The following STMN4 variants were observed in gnomAD, a reference collection of about 807,000 sequenced individuals.
The protein encoded by STMN4 is stathmin-4.
Under a neutral mutation model 29.1 loss-of-function variants are expected in STMN4, and 12 were observed. The observed-to-expected ratio is 0.41, with a 90% CI of 0.26 to 0.67. The LOEUF is 0.67. Among genes scored for constraint, STMN4 ranks in the 30% least tolerant of loss-of-function variants. STMN4 has a pLI of 0.30. For missense variants in STMN4, 181 were observed against 262.8 expected (o/e 0.69, Z 2.15); for synonymous variants, 114 against 105.3 (o/e 1.08, Z -0.51).
Position 27,244,884 on chromosome 8 carries a change from C to G in STMN4, c.-78-1083G>C, listed in dbSNP as rs545691536. On this transcript the variant is annotated intron_variant, in intron 1 of 6. Coordinates refer to ENST00000350889, the MANE Select transcript of STMN4 (RefSeq NM_030795.4). Reference sequence around the variant, plus strand: ...GAGCAGCCAGCAGTGAGTGGCCATCCTCAGGACCATTTGATCCTCGGTCAC... The same window carrying G: ...GAGCAGCCAGCAGTGAGTGGCCATCGTCAGGACCATTTGATCCTCGGTCAC... Among the ~76,000 whole-genome samples the G allele has an allele frequency of 4.2e-3, 644 of 152,284 alleles. 7 individuals are homozygous for G. Among genetic ancestry groups the G allele is most frequent in the African/African-American group, 0.015 (617 of 41,542 alleles).
intron 6 of STMN4, 187 bp downstream of exon 6, chr8:27,239,784 C>T (rs1488113173): frequency 6.5e-7 from 1 of 1,529,724 alleles, no homozygotes; most frequent in Non-Finnish European, 8.8e-7. Flanking sequence ...GAGTCTGGTT[C>T]CTATTTCTTG....
intron 1 of STMN4, 47 bp from the exon 2 acceptor site, chr8:27,243,848 G>T: frequency 3.9e-6 from 6 of 1,551,310 alleles, no homozygotes; most frequent in Non-Finnish European, 5.3e-6. Context: ...GATTAGACAG[G>T]TTATTCTCAT....
intron 1 of STMN4, among the ~76,000 whole-genome samples, chr8:27,248,001 G>A (rs890415282): frequency 6.6e-6 from 1 of 152,110 alleles, no homozygotes; most frequent in African/African-American, 2.4e-5. Flanking sequence ...AAGATCAAAG[G>A]AGCCCCAGAC....
At chr8:27,242,686 C>T (rs915162729) in intron 2 of STMN4, among the ~76,000 whole-genome samples, 194 bp from the exon 3 acceptor site, 4 of 152,156 alleles carry the variant, frequency 2.6e-5, no homozygotes, top group Non-Finnish European at 5.9e-5. Flanking sequence ...GGATTCGAAC[C>T]CACTCCTGTC....
intron 1 of STMN4, among the ~76,000 whole-genome samples, chr8:27,255,790 T>C (rs1056698883): frequency 3.9e-5 from 6 of 152,136 alleles, no homozygotes; most frequent in African/African-American, 9.7e-5. Flanking sequence ...CACTTGGAAT[T>C]TGGGTTTCTT....
chr8:27,244,714 A>C (rs1329874280), intron 1 of STMN4, among the ~76,000 whole-genome samples: 2 of 152,114 alleles, frequency 1.3e-5, no homozygotes, highest in Non-Finnish European at 2.9e-5. Context: ...GATCAGGTCA[A>C]GCTAGTTGAC....
chr8:27,235,439 G>T lies in STMN4; in HGVS notation c.*1407C>A, dbSNP rs963965035. On this transcript the variant is annotated 3_prime_UTR_variant, in exon 7 of 7. Transcript: ENST00000350889. ...ACAGGCAGCCCCTGCACTCATGTTTGCAGGGGAAGGGAGGAGGAGAGCTTC... is the reference window on the plus strand; with the variant it reads ...ACAGGCAGCCCCTGCACTCATGTTTTCAGGGGAAGGGAGGAGGAGAGCTTC... 1.3e-5 allele frequency: 2 copies of T among 152,448 alleles called. No individual in the cohort carries two copies. Among genetic ancestry groups the T allele is most frequent in the Non-Finnish European group, 2.9e-5 (2 of 68,224 alleles). 9.4% of individuals were successfully genotyped at this position (152,448 alleles called of 1,614,324 possible).
At chr8:27,248,094 G>T (rs951516892) in intron 1 of STMN4, among the ~76,000 whole-genome samples, 1 of 152,200 alleles carries the variant, frequency 6.6e-6, no homozygotes, top group Non-Finnish European at 1.5e-5. Context: ...GCTCCTGCCT[G>T]GTGGTCACTG....
At position 27,241,236 on chromosome 8, in the gene STMN4, C is replaced by A; in HGVS notation, c.217G>T (p.Val73Phe). 1 of 1,614,178 alleles carries A rather than the reference C, an allele frequency of 6.2e-7. No individual in the cohort carries two copies. The change falls in exon 5 of 7, where the codon GTC becomes TTC. Residue 73 changes from valine to phenylalanine, a missense_variant. Coordinates refer to ENST00000350889, the MANE Select transcript of STMN4 (RefSeq NM_030795.4). ...QADTVDLNWCVISDMEVIELN... is the reference protein window; with the variant it reads ...QADTVDLNWCFISDMEVIELN... ...TCGATGACTTCCATGTCGGAAATGA[C>A]GCACCAATTCAGGTCCACCGTGTCT...
In STMN4 at chr8:27,245,251, T is replaced by A. The variant is rs532736154; in HGVS notation, c.-78-1450A>T. Among the ~76,000 whole-genome samples the A allele has an allele frequency of 2.2e-3, 340 of 152,352 alleles. 3 individuals are homozygous for A. The highest frequency in any genetic ancestry group is 2.3e-3 in the Non-Finnish European group (158 of 68,024). ...TAAATGTTAGTCTCTTTGCCCTGTC[T>A]TTTGCATCAGGACAGCTATCAGGTG... is the stretch of plus-strand genomic sequence containing the variant. On this transcript the variant is annotated intron_variant, in intron 1 of 6. Coordinates refer to ENST00000350889, the MANE Select transcript of STMN4 (RefSeq NM_030795.4).
At chr8:27,242,246 C>G in intron 3 of STMN4, 151 bp downstream of exon 3, 1 of 795,110 alleles carries the variant, frequency 1.3e-6, no homozygotes, top group Non-Finnish European at 2.0e-6. Flanking sequence ...AGCTCAGACC[C>G]TCGGGCTCAC....
intron 6 of STMN4, 176 bp downstream of exon 6, chr8:27,239,795 C>T (rs1044214131): frequency 1.3e-6 from 2 of 1,534,314 alleles, no homozygotes; most frequent in Non-Finnish European, 1.8e-6. Context: ...CTATTTCTTG[C>T]CTCTGACTTC....
intron 1 of STMN4, among the ~76,000 whole-genome samples, chr8:27,245,620 G>A (rs1442850685): frequency 6.6e-6 from 1 of 152,216 alleles, no homozygotes; most frequent in Non-Finnish European, 1.5e-5. Context: ...ACCCCATCCC[G>A]CAGTCTCTGC....
chr8:27,249,667 A>G (rs756748497), intron 1 of STMN4, among the ~76,000 whole-genome samples: 10 of 152,174 alleles, frequency 6.6e-5, no homozygotes, highest in Non-Finnish European at 1.2e-4. Context: ...GAATGAGAAG[A>G]TGGATACACA....
At chr8:27,248,151 C>T (rs370303402) in intron 1 of STMN4, among the ~76,000 whole-genome samples, 2 of 152,208 alleles carry the variant, frequency 1.3e-5, no homozygotes, top group African/African-American at 4.8e-5. Context: ...GAGCCAAGGC[C>T]TCCCTGGGCA....
At chr8:27,241,897 C>G in intron 3 of STMN4, 140 bp from the exon 4 acceptor site, 2 of 888,948 alleles carry the variant, frequency 2.2e-6, no homozygotes, top group Admixed American at 2.1e-5. Flanking sequence ...ACGTGGCCAC[C>G]CAGTGCTCCC....
Position 27,257,643 on chromosome 8 carries a change from T to C in STMN4, c.-79+708A>G, listed in dbSNP as rs376313166. On this transcript the variant is annotated intron_variant, in intron 1 of 6. Coordinates refer to ENST00000350889, the MANE Select transcript of STMN4 (RefSeq NM_030795.4). Reference sequence around the variant, plus strand: ...GACATCAAAACCCTGGGTCCCAGGATGAGAAATGAATGATGCCTAAACTCC... The same window carrying C: ...GACATCAAAACCCTGGGTCCCAGGACGAGAAATGAATGATGCCTAAACTCC... 8.5e-5 allele frequency among the ~76,000 whole-genome samples: 13 copies of C among 152,186 alleles called. No individual in the cohort carries two copies. The East Asian group carries it at 1.9e-3, about 23-fold the overall frequency.
At chr8:27,245,323 ACTG>A (rs1801594639) in intron 1 of STMN4, among the ~76,000 whole-genome samples, 1 of 152,208 alleles carries the variant, frequency 6.6e-6, no homozygotes, top group Admixed American at 6.5e-5. Context: ...ACAAGTAAGG[ACTG>A]TTGTTGCCAT....
chr8:27,242,182 GC>G lies in STMN4; in HGVS notation c.109+214del. On this transcript the variant is annotated intron_variant, in intron 3 of 6. Coordinates refer to ENST00000350889, the MANE Select transcript of STMN4 (RefSeq NM_030795.4). ...GACAAGATCGAGTGCACTCTGGGGG[GC>G]GCCTGATGCAGACCTTCATGGCCTC... 8.4e-6 allele frequency: 5 copies of G among 591,886 alleles called. 1 individual carries two copies. The South Asian group carries it at 1.1e-4, about 12-fold the overall frequency. 36.7% of individuals were successfully genotyped at this position (591,886 alleles called of 1,614,324 possible).
Sources: gnomAD v4.1 joint callset for allele counts (sites outside exome capture counted in the v4.1 genomes callset) on GRCh38, gnomAD v4.1.1 for gene constraint, MANE v1.5 for transcripts, NCBI Gene and HGNC (gene_info 2026-07-23, HGNC 2026-07-21) for gene names.